ANKHD1: variants seen among roughly 807,000 people sequenced by gnomAD.
ANKHD1 encodes the protein ankyrin repeat and KH domain containing 1.
A neutral mutation model predicts 230.5 loss-of-function variants in ANKHD1; 31 were observed. That is an observed-to-expected ratio of 0.13 (90% confidence interval 0.10 to 0.18). ANKHD1 has a LOEUF of 0.18. ANKHD1 is among the 10% of genes least tolerant of loss of function. The probability of loss-of-function intolerance (pLI) is 1.00; values close to 1 mark genes in which losing one functional copy is unlikely to be tolerated. For missense variants in ANKHD1, 2,256 were observed against 3,071.3 expected, an observed-to-expected ratio of 0.73 and a Z score of 6.27; for synonymous variants, 1,074 against 1,117.6, an observed-to-expected ratio of 0.96 and a Z score of 0.78.
chr5:140,479,073 G>A (rs899718537), intron 10 of ANKHD1, among the ~76,000 whole-genome samples: 14 of 150,526 alleles, frequency 9.3e-5, no homozygotes, highest in African/African-American at 3.4e-4. Flanking sequence ...ATCTTGGCTC[G>A]CTGCAAGCTC....
At chr5:140,429,763 ATATTAT>A (rs372367133) in intron 1 of ANKHD1, among the ~76,000 whole-genome samples, 1 of 152,192 alleles carries the variant, frequency 6.6e-6, no homozygotes, top group African/African-American at 2.4e-5. Flanking sequence ...GTAATATGAG[ATATTAT>A]TATTTTATTA....
intron 15 of ANKHD1, among the ~76,000 whole-genome samples, chr5:140,500,659 A>AG (rs1298018841): frequency 1.0e-4 from 15 of 147,348 alleles, no homozygotes; most frequent in African/African-American, 3.8e-4. Context: ...AAAAAAAAAA[A>AG]AAAAAAAAAA....
rs1181217541 is a variant in ANKHD1, at chr5:140,401,890, T to A, written c.-78T>A. On this transcript the variant is annotated 5_prime_UTR_variant, in exon 1 of 34. Coordinates refer to ENST00000360839, the MANE Select transcript of ANKHD1 (RefSeq NM_017747.3). ...GAAAGGAGACGCTTCTTCCTCTTGC[T>A]GCTCTTCTCGTTCCCGAGATCAGCG... 1 of 1,488,218 alleles carries A rather than the reference T, an allele frequency of 6.7e-7. No individual in the cohort carries two copies. Among genetic ancestry groups the A allele is most frequent in the Non-Finnish European group, 8.9e-7 (1 of 1,127,396 alleles). The allele number at this position is 1,488,218 out of a possible 1,614,324, so 92.2% of individuals were successfully genotyped here. A position where few individuals can be genotyped will look rare whatever the true frequency, so the allele number is the denominator to read the frequency against.
intron 10 of ANKHD1, among the ~76,000 whole-genome samples, chr5:140,471,517 A>T (rs1426466540): frequency 6.6e-6 from 1 of 152,192 alleles, no homozygotes; most frequent in African/African-American, 2.4e-5. Context: ...TGTCTTGCTG[A>T]ATCTATACCA....
chr5:140,465,516 C>T (rs1776022313), intron 10 of ANKHD1, among the ~76,000 whole-genome samples: 1 of 151,972 alleles, frequency 6.6e-6, no homozygotes, highest in South Asian at 2.1e-4. Context: ...AGAGTTTTTC[C>T]CAGAATTCTC....
intron 24 of ANKHD1, among the ~76,000 whole-genome samples, chr5:140,518,145 G>T (rs1229652431): frequency 1.3e-5 from 2 of 152,190 alleles, no homozygotes; most frequent in Non-Finnish European, 2.9e-5. Context: ...TACCGTCAGA[G>T]AATACTACAA....
At chr5:140,471,248 G>A (rs1338339801) in intron 10 of ANKHD1, among the ~76,000 whole-genome samples, 2 of 151,968 alleles carry the variant, frequency 1.3e-5, no homozygotes, top group Admixed American at 6.6e-5. Context: ...TTATCACTTT[G>A]TTCAGCTATT....
At chr5:140,522,816 C>T (rs1455336539) in intron 24 of ANKHD1, among the ~76,000 whole-genome samples, 1 of 152,082 alleles carries the variant, frequency 6.6e-6, no homozygotes, top group Non-Finnish European at 1.5e-5. Context: ...TCAATTTCTC[C>T]ACATCCTCAC....
At chr5:140,534,858 A>AT (rs1754001794) in intron 29 of ANKHD1, among the ~76,000 whole-genome samples, 1 of 152,244 alleles carries the variant, frequency 6.6e-6, no homozygotes, top group Admixed American at 6.5e-5. Flanking sequence ...CAGATAGAAT[A>AT]CTGAAATTAT....
Position 140,442,044 on chromosome 5 carries a change from T to A in ANKHD1, c.913+902T>A, listed in dbSNP as rs868419746. On this transcript the variant is annotated intron_variant, in intron 5 of 33. Coordinates refer to ENST00000360839, the MANE Select transcript of ANKHD1 (RefSeq NM_017747.3). ...ACTAATAAGATATTCTTTTTTTTTT[T>A]TTTTTTTTTTTTTGAGATGGAGTCT... Among the ~76,000 whole-genome samples the A allele has an allele frequency of 4.8e-4, 67 of 140,624 alleles. 1 individual carries two copies. Among genetic ancestry groups the A allele is most frequent in the Middle Eastern group, 6.9e-3 (2 of 288 alleles). The allele number at this position is 140,624 out of a possible 152,430, so 92.3% of individuals were successfully genotyped here.
chr5:140,533,294 A>G (rs376508071), intron 29 of ANKHD1, among the ~76,000 whole-genome samples: 2 of 151,846 alleles, frequency 1.3e-5, no homozygotes, highest in African/African-American at 4.8e-5. Context: ...TAAAAAATAA[A>G]TTTCAAAGTT....
At chr5:140,526,880 T>C (rs771768360) in intron 26 of ANKHD1, 48 bp from the exon 27 acceptor site, 2 of 1,555,072 alleles carry the variant, frequency 1.3e-6, no homozygotes, top group Non-Finnish European at 1.7e-6. Flanking sequence ...CTTGAGTTTC[T>C]ATCTTAAAAC....
At chr5:140,486,081 T>C in intron 13 of ANKHD1, 2 of 247,626 alleles carry the variant, frequency 8.1e-6, no homozygotes, top group Non-Finnish European at 1.5e-5. Context: ...GTTTTTTTTT[T>C]TGAGATGGAG....
At chr5:140,533,775 C>CAAAAAAAA (rs1167136822) in intron 29 of ANKHD1, among the ~76,000 whole-genome samples, 1 of 29,650 alleles carries the variant, frequency 3.4e-5, no homozygotes, top group Non-Finnish European at 7.5e-5. Flanking sequence ...GACCCTGTCT[C>CAAAAAAAA]AAAAAAAAAA....
intron 1 of ANKHD1, among the ~76,000 whole-genome samples, chr5:140,427,502 A>G (rs1213883116): frequency 1.6e-5 from 2 of 125,168 alleles, no homozygotes; most frequent in Non-Finnish European, 3.4e-5. Context: ...GCGGCCGGGC[A>G]GAGGCGCCCC....
chr5:140,496,483 AGC>A, intron 14 of ANKHD1, 35 bp from the exon 15 acceptor site: 19 of 423,666 alleles, frequency 4.5e-5, no homozygotes, highest in African/African-American at 6.1e-5. Context: ...TTTTTTTTTT[AGC>A]ATGGCACTCT....
chr5:140,538,934 A>G lies in ANKHD1; in HGVS notation c.7420A>G (p.Met2474Val), dbSNP rs965810628. The change falls in exon 33 of 34, where the codon ATG (methionine) becomes GTG (valine). Residue 2474 changes from methionine to valine, a missense_variant. By Grantham distance (21) the Met-to-Val change is conservative. Coordinates refer to ENST00000360839, the MANE Select transcript of ANKHD1 (RefSeq NM_017747.3). ...GCTGTTTTAGGGTCTGCCAATTTCC[A>G]TGTATGGAGGCACCATAATACCCTC... ...VDFSKGLPIS[M>V]YGGTIIPSHP... 1 of 1,548,138 alleles carries G rather than the reference A, an allele frequency of 6.5e-7. No homozygotes were observed. The highest frequency in any genetic ancestry group is 2.3e-5 in the East Asian group (1 of 42,890).
intron 7 of ANKHD1, among the ~76,000 whole-genome samples, chr5:140,454,323 G>A (rs1774992472): frequency 6.6e-6 from 1 of 152,038 alleles, no homozygotes; most frequent in African/African-American, 2.4e-5. Flanking sequence ...GTTAACAAGG[G>A]ATATCCAGGA....
In ANKHD1 at chr5:140,445,218, T is replaced by C. The variant is rs369725424; in HGVS notation, c.914-524T>C. Among the ~76,000 whole-genome samples the C allele has an allele frequency of 2.6e-5, 4 of 151,984 alleles. No homozygotes were observed. The South Asian group carries it at 8.3e-4, about 32-fold the overall frequency. On this transcript the variant is annotated intron_variant, in intron 5 of 33. Transcript: ENST00000360839. ...GGCGTGGTATAATTGGCATAATTGG[T>C]ATAATTGGCATAATTGTCAGATTAC...
Sources: allele counts gnomAD v4.1 joint callset (sites outside exome capture counted in the v4.1 genomes callset), GRCh38; gene constraint gnomAD v4.1.1; transcripts MANE v1.5; gene names NCBI Gene and HGNC (gene_info 2026-07-23, HGNC 2026-07-21).